Variants in PPFIA4 observed in about 807,000 individuals in gnomAD.
PPFIA4 encodes liprin-alpha-4.
A neutral mutation model predicts 145.7 loss-of-function variants in PPFIA4; 98 were observed. The observed-to-expected ratio is 0.67, with a 90% CI of 0.57 to 0.80. The LOEUF (loss-of-function observed/expected upper bound fraction) is 0.80, where lower values mean the gene tolerates loss of function less well. PPFIA4 is among the 30% of genes least tolerant of loss of function. The pLI, the probability that PPFIA4 is intolerant of heterozygous loss-of-function variation, is 0.00. For synonymous variants in PPFIA4, 628 were observed against 649.6 expected, an observed-to-expected ratio of 0.97 and a Z score of 0.51; for missense variants, 1,457 against 1,632.7, an observed-to-expected ratio of 0.89 and a Z score of 1.85.
intron 8 of PPFIA4, 87 bp downstream of exon 8, chr1:203,046,074 C>T: frequency 6.3e-7 from 1 of 1,584,864 alleles, no homozygotes; most frequent in Non-Finnish European, 8.6e-7. Context: ...CTGAGGAGCC[C>T]CTGGGGTCCT....
intron 24 of PPFIA4, chr1:203,063,624 GA>G (rs1190301074): frequency 5.4e-6 from 3 of 553,502 alleles, no homozygotes; most frequent in Non-Finnish European, 9.6e-6. Context: ...ATCATTTCGA[GA>G]TCTTAAAAAG....
Position 203,043,840 on chromosome 1 carries a change from G to A in PPFIA4, c.337-91G>A. 2 of 1,327,346 alleles carry A rather than the reference G, an allele frequency of 1.5e-6. No homozygotes were observed. Among genetic ancestry groups the A allele is most frequent in the East Asian group, 2.4e-5 (1 of 41,794 alleles). 82.2% of individuals were successfully genotyped at this position (1,327,346 alleles called of 1,614,324 possible). On this transcript the variant is annotated intron_variant, in intron 3 of 29. Transcript: ENST00000295706. This position sits in a 1 kb window ranked among gnomAD's most constrained non-coding sequence, Gnocchi z 4.4. ...TCACAGTGGGGTGGCTGTAACTCAT[G>A]TCTGCTCGGGGATCACATGGACCCT...
At chr1:203,057,008 A>T (rs1661016018) in intron 19 of PPFIA4, 58 bp downstream of exon 19, 1 of 1,601,544 alleles carries the variant, frequency 6.2e-7, no homozygotes. Flanking sequence ...AGAAGCAGGA[A>T]GGTGTACTTG....
At chr1:203,061,740 A>T (rs1661376698) in intron 24 of PPFIA4, 62 bp downstream of exon 24, 2 of 1,496,026 alleles carry the variant, frequency 1.3e-6, no homozygotes, top group East Asian at 5.1e-5. Context: ...TTCTTCTGGT[A>T]GGTTCTCTCC....
intron 1 of PPFIA4, chr1:203,034,559 G>A (rs1416913154): frequency 2.6e-5 from 12 of 456,522 alleles, no homozygotes; most frequent in Non-Finnish European, 5.3e-5. Flanking sequence ...GGGGGCAGTG[G>A]GGGGAACTCA....
At chr1:203,066,904 G>C (rs1371529505) in intron 25 of PPFIA4, among the ~76,000 whole-genome samples, 1 of 152,144 alleles carries the variant, frequency 6.6e-6, no homozygotes, top group Non-Finnish European at 1.5e-5. Context: ...GACAGTCAAG[G>C]AATAATAAAT....
At chr1:203,065,687 C>T (rs1390165115) in intron 25 of PPFIA4, among the ~76,000 whole-genome samples, 2 of 152,212 alleles carry the variant, frequency 1.3e-5, no homozygotes, top group Admixed American at 6.5e-5. Flanking sequence ...CATGTTCTTA[C>T]GTCTTTAAAA....
Position 203,067,751 on chromosome 1 carries a change from A to C in PPFIA4, c.3107A>C (p.Glu1036Ala). ...CLKRLNYDRK[E>A]LEKRREESQH... The stretch of plus-strand genomic sequence containing the variant: ...AAGAGGCTGAATTATGACCGGAAGG[A>C]GCTGGAGAAGAGGCGAGAGGAGAGC... Residue 1036 changes from glutamate (E) to alanine (A), a missense_variant, in exon 26 of 30, where the codon GAG becomes GCG. Glu to Ala is a moderately radical substitution (Grantham distance 107). Coordinates refer to ENST00000295706, the MANE Select transcript of PPFIA4 (RefSeq NM_001304331.2). 1.2e-6 allele frequency: 2 copies of C among 1,613,778 alleles called. No individual in the cohort carries two copies. The highest frequency in any genetic ancestry group is 1.7e-6 in the Non-Finnish European group (2 of 1,179,864).
At chr1:203,073,110 CTGTGCCAGGCAT>C (rs1382669938) in intron 28 of PPFIA4, among the ~76,000 whole-genome samples, 5 of 152,082 alleles carry the variant, frequency 3.3e-5, no homozygotes, top group Non-Finnish European at 5.9e-5. Context: ...AATGCCTGCC[CTGTGCCAGGCAT>C]TGTGCCAGGC....
chr1:203,063,970 G>A lies in PPFIA4; in HGVS notation c.3017G>A (p.Arg1006Gln). 1 of 1,613,780 alleles carries A rather than the reference G, an allele frequency of 6.2e-7. No individual in the cohort carries two copies. Among genetic ancestry groups the A allele is most frequent in the Non-Finnish European group, 8.5e-7 (1 of 1,179,878 alleles). Residue 1006 changes from arginine (R) to glutamine (Q), a missense_variant, in exon 25 of 30, where the codon CGG (arginine) becomes CAG (glutamine). Coordinates refer to ENST00000295706, the MANE Select transcript of PPFIA4 (RefSeq NM_001304331.2). ...GACCACCTCACCAAGAAGGACCTGC[G>A]GGTCCACCTGAAGATGGTGGACAGC... ...MLDHLTKKDL[R>Q]VHLKMVDSFH...
At chr1:203,026,933 G>T (rs539405324) in intron 1 of PPFIA4, among the ~76,000 whole-genome samples, 2 of 152,342 alleles carry the variant, frequency 1.3e-5, no homozygotes, top group East Asian at 3.9e-4. Flanking sequence ...CTCCCGGTGG[G>T]AACGGAGCAG....
chr1:203,048,302 C>A lies in PPFIA4; in HGVS notation c.1216C>A (p.Leu406Met). Residue 406 changes from leucine to methionine, a missense_variant, in exon 10 of 30, where the codon CTG becomes ATG. Transcript: ENST00000295706. The surrounding 1 kb of genome is among the most constrained non-coding windows in gnomAD (Gnocchi z 5.8). The stretch of plus-strand genomic sequence containing the variant: ...ACAGCTGGAGGAGAAGAACCAGGAG[C>A]TGGCACGGGTGAGGGCACCAGGCCG... ...EGQLEEKNQE[L>M]ARVRQREKMN... The A allele has an allele frequency of 6.2e-7, 1 of 1,612,566 alleles. No individual in the cohort carries two copies. The highest frequency in any genetic ancestry group is 8.5e-7 in the Non-Finnish European group (1 of 1,179,776).
chr1:203,044,694 A>G lies in PPFIA4; in HGVS notation c.577-2A>G, dbSNP rs1659939437. 2 of 1,552,238 alleles carry G rather than the reference A, an allele frequency of 1.3e-6. No homozygotes were observed. The highest frequency in any genetic ancestry group is 2.4e-5 in the South Asian group (2 of 83,950). On this transcript the variant is annotated splice_acceptor_variant, in intron 5 of 29. Transcript: ENST00000295706. LOFTEE classifies it high-confidence loss of function. ...CATTGCCCTGGGGCTTGTGCCCTAC[A>G]GGTGTCTGCCCTGCAGCAGGGGGCA...
chr1:203,077,156 C>T lies in PPFIA4; in HGVS notation c.*766C>T, dbSNP rs149646118. Reference sequence around the variant, plus strand: ...CTCTAAGCTCCCACCTAATAAGAAGCATAGGCAGACCAGCCAGAGGGAGAG... The same window carrying T: ...CTCTAAGCTCCCACCTAATAAGAAGTATAGGCAGACCAGCCAGAGGGAGAG... On this transcript the variant is annotated 3_prime_UTR_variant, in exon 30 of 30. Coordinates refer to ENST00000295706, the MANE Select transcript of PPFIA4 (RefSeq NM_001304331.2). 9.8e-5 allele frequency: 15 copies of T among 152,400 alleles called. 1 individual carries two copies. Among genetic ancestry groups the T allele is most frequent in the African/African-American group, 3.4e-4 (14 of 41,574 alleles). The allele number at this position is 152,400 out of a possible 1,614,324, so 9.4% of individuals were successfully genotyped here.
chr1:203,059,101 T>G, intron 19 of PPFIA4, 77 bp from the exon 20 acceptor site: 1 of 1,206,422 alleles, frequency 8.3e-7, no homozygotes, highest in Non-Finnish European at 1.2e-6. Flanking sequence ...TCCTGCTGCT[T>G]CTGTTCCCCA....
At position 203,059,254 on chromosome 1, in the gene PPFIA4, C is replaced by A. The variant is rs751608564; in HGVS notation, c.2484C>A (p.Asp828Glu). The A allele has an allele frequency of 6.5e-7, 1 of 1,537,788 alleles. No individual in the cohort carries two copies. Among genetic ancestry groups the A allele is most frequent in the Non-Finnish European group, 8.9e-7 (1 of 1,128,532 alleles). ...PAKLGTQAEKDRRLKKKHQLL... is the reference protein window; with the variant it reads ...PAKLGTQAEKERRLKKKHQLL... ...AGCTGGGGACCCAGGCAGAGAAGGACCGGCGGCTAAAGAAGAAGTAAGAGC... is the reference window on the plus strand; with the variant it reads ...AGCTGGGGACCCAGGCAGAGAAGGAACGGCGGCTAAAGAAGAAGTAAGAGC... Residue 828 changes from aspartate to glutamate, a missense_variant, in exon 20 of 30, where the codon GAC (aspartate) becomes GAA (glutamate). Physicochemically the swap from Asp to Glu is conservative, Grantham distance 45. Transcript: ENST00000295706.
In PPFIA4 at chr1:203,045,987, G is replaced by C; in HGVS notation, c.1005G>C (p.Gln335His). 5 of 1,612,614 alleles carry C rather than the reference G, an allele frequency of 3.1e-6. No individual in the cohort carries two copies. The highest frequency in any genetic ancestry group is 4.2e-6 in the Non-Finnish European group (5 of 1,179,842). ...ELANKESLHR[Q>H]CEEKARHLQE... ...CCAACAAGGAGTCCCTGCACCGCCA[G>C]GTACCTCCTCAGGGTGGGGTGGGGA... Residue 335 changes from glutamine (Q) to histidine (H), a missense_variant and splice_region_variant, in exon 8 of 30, where the codon CAG (glutamine) becomes CAC (histidine). Coordinates refer to ENST00000295706, the MANE Select transcript of PPFIA4 (RefSeq NM_001304331.2).
intron 25 of PPFIA4, 66 bp downstream of exon 25, chr1:203,064,069 C>G (rs1030514262): frequency 2.0e-6 from 3 of 1,537,658 alleles, no homozygotes; most frequent in Admixed American, 1.9e-5. Flanking sequence ...GAGGGTCTGC[C>G]TCCAGGAACA....
chr1:203,034,563 G>T (rs1184638957), intron 1 of PPFIA4: 3 of 456,246 alleles, frequency 6.6e-6, no homozygotes, highest in Non-Finnish European at 1.3e-5. Flanking sequence ...GCAGTGGGGG[G>T]AACTCAGGGA....
Sources: allele counts gnomAD v4.1 joint callset (sites outside exome capture counted in the v4.1 genomes callset), GRCh38; gene constraint gnomAD v4.1.1; non-coding constraint Gnocchi (gnomAD v3.1); transcripts MANE v1.5; gene names NCBI Gene and HGNC (gene_info 2026-07-23, HGNC 2026-07-21).